Variants in ATF7IP observed in about 807,000 individuals in gnomAD.
ATF7IP encodes the protein activating transcription factor 7 interacting protein.
Under a neutral mutation model 106.4 loss-of-function variants are expected in ATF7IP, and 23 were observed. The ratio of observed to expected loss-of-function variants is 0.22; its 90% CI spans 0.16 to 0.31. The LOEUF (loss-of-function observed/expected upper bound fraction) is 0.31. ATF7IP is among the 10% of genes least tolerant of loss of function. The pLI is 1.00. For missense variants in ATF7IP, 1,334 were observed against 1,524.3 expected (o/e 0.88, Z 2.08); for synonymous variants, 542 against 539.0 (o/e 1.01, Z -0.08).
intron 9 of ATF7IP, among the ~76,000 whole-genome samples, chr12:14,464,122 T>G (rs1202463108): frequency 6.6e-6 from 1 of 152,012 alleles, no homozygotes; most frequent in Non-Finnish European, 1.5e-5. Flanking sequence ...CCACCAGCCT[T>G]GCAATATAGT....
chr12:14,445,855 T>A (rs1275967702), intron 5 of ATF7IP, among the ~76,000 whole-genome samples: 2 of 152,196 alleles, frequency 1.3e-5, no homozygotes, highest in African/African-American at 4.8e-5. Context: ...ACTCAGAAGT[T>A]TAATTTTCTT....
intron 1 of ATF7IP, among the ~76,000 whole-genome samples, chr12:14,380,551 T>A (rs1001760640): frequency 6.6e-6 from 1 of 152,238 alleles, no homozygotes; most frequent in African/African-American, 2.4e-5. Flanking sequence ...GGGAGATTCA[T>A]GAAGGGGACT....
chr12:14,371,576 G>A (rs1443380509), intron 1 of ATF7IP, among the ~76,000 whole-genome samples: 1 of 152,022 alleles, frequency 6.6e-6, no homozygotes, highest in African/African-American at 2.4e-5. Context: ...AAGAAATGAT[G>A]TCCAGCATCA....
intron 8 of ATF7IP, among the ~76,000 whole-genome samples, chr12:14,458,656 C>T (rs1943527442): frequency 6.6e-6 from 1 of 152,038 alleles, no homozygotes; most frequent in Non-Finnish European, 1.5e-5. Context: ...AACTCTCTCT[C>T]TACAAAAAAT....
At chr12:14,389,561 A>G (rs948408838) in intron 1 of ATF7IP, among the ~76,000 whole-genome samples, 3 of 152,224 alleles carry the variant, frequency 2.0e-5, no homozygotes, top group Admixed American at 6.5e-5. Context: ...TCAGAGCTAT[A>G]AACTGGCAGC....
In ATF7IP at chr12:14,500,414, G is replaced by A. The variant is rs575210104; in HGVS notation, c.*2341G>A. 6.6e-6 allele frequency: 1 copy of A among 152,296 alleles called. No homozygotes were observed. Among genetic ancestry groups the A allele is most frequent in the Non-Finnish European group, 1.5e-5 (1 of 68,014 alleles). The allele number at this position is 152,296 out of a possible 1,614,324, so 9.4% of individuals were successfully genotyped here. ...TAAATCAAATTTGCCAACCAATTAT[G>A]TAGATATTACTCATTCTAGGACTAA... is the stretch of plus-strand genomic sequence containing the variant. On this transcript the variant is annotated 3_prime_UTR_variant, in exon 15 of 15. Transcript: ENST00000261168.
At chr12:14,453,154 C>T (rs1943274456) in intron 6 of ATF7IP, among the ~76,000 whole-genome samples, 1 of 152,182 alleles carries the variant, frequency 6.6e-6, no homozygotes, top group East Asian at 1.9e-4. Flanking sequence ...GTGATTCAGA[C>T]AGCTTGGTTA....
In ATF7IP at chr12:14,424,179, GAAGGAAACACCCTGT is replaced by G. The variant is rs1175233135; in HGVS notation, c.266_280del (p.Lys89_Cys93del). 1 of 1,614,168 alleles carries G rather than the reference GAAGGAAACACCCTGT, an allele frequency of 6.2e-7. No homozygotes were observed. The highest frequency in any genetic ancestry group is 1.7e-5 in the Admixed American group (1 of 60,020). On this transcript the variant is annotated inframe_deletion, in exon 2 of 15. Coordinates refer to ENST00000261168, the MANE Select transcript of ATF7IP (RefSeq NM_018179.5). ...ATCCTGAAGGAAGTAAAGCAGAATG[GAAGGAAACACCCTGT>G]ATCCTAAGTGTTAATGTAAAAAACA...
rs138879120 is a variant in ATF7IP, at chr12:14,455,137, C to T, written c.1996-1424C>T. ...AGGCTAGAGTGAGCCAAGATGGTGC[C>T]GCAGGATGGTGCACTCCAGCCTGGG... On this transcript the variant is annotated intron_variant, in intron 6 of 14. Transcript: ENST00000261168. Among the ~76,000 whole-genome samples, 410 of 150,046 alleles carry T rather than the reference C, an allele frequency of 2.7e-3. 1 individual carries two copies. Among genetic ancestry groups the T allele is most frequent in the African/African-American group, 9.3e-3 (378 of 40,674 alleles).
At chr12:14,487,699 C>T (rs1944669615) in intron 13 of ATF7IP, among the ~76,000 whole-genome samples, 1 of 152,174 alleles carries the variant, frequency 6.6e-6, no homozygotes, top group South Asian at 2.1e-4. Flanking sequence ...TCTACAATTT[C>T]AGCTCTTTCT....
At position 14,497,810 on chromosome 12, in the gene ATF7IP, C is replaced by T. The variant is rs1446407264; in HGVS notation, c.3550C>T (p.Leu1184=). ...TGGCATAGTACTGTCATGGAGTGTCCTGGAGGTGGATCGAAGCTGTGCCAC... is the reference window on the plus strand; with the variant it reads ...TGGCATAGTACTGTCATGGAGTGTCTTGGAGGTGGATCGAAGCTGTGCCAC... ...QNGIVLSWSV[L]EVDRSCATVD... Residue 1184 remains leucine (L), a synonymous_variant, in exon 15 of 15, where the codon CTG becomes TTG. Transcript: ENST00000261168. 6.2e-7 allele frequency: 1 copy of T among 1,613,994 alleles called. No homozygotes were observed. The highest frequency in any genetic ancestry group is 8.5e-7 in the Non-Finnish European group (1 of 1,180,022).
In ATF7IP at chr12:14,478,613, C is replaced by T. The variant is rs961214963; in HGVS notation, c.3097+141C>T. On this transcript the variant is annotated intron_variant, in intron 12 of 14. Transcript: ENST00000261168. ...ACTACAGTGCATGTCCTTTTGAAGG[C>T]AGTATAACTTAGTTTTTCTGACTGT... 7.8e-6 allele frequency: 7 copies of T among 901,898 alleles called. No homozygotes were observed. The African/African-American group carries it at 1.2e-4, about 15-fold the overall frequency. 55.9% of individuals were successfully genotyped at this position (901,898 alleles called of 1,614,324 possible).
At chr12:14,478,246 T>C in intron 11 of ATF7IP, 71 bp from the exon 12 acceptor site, 1 of 1,463,192 alleles carries the variant, frequency 6.8e-7, no homozygotes, top group Non-Finnish European at 9.5e-7. Context: ...GTAAAATTTG[T>C]CCATAGAGGA....
chr12:14,498,602 T>G lies in ATF7IP; in HGVS notation c.*529T>G, dbSNP rs977585425. The G allele has an allele frequency of 6.5e-6, 1 of 152,804 alleles. No individual in the cohort carries two copies. The allele number at this position is 152,804 out of a possible 1,614,324, so 9.5% of individuals were successfully genotyped here. Reference sequence around the variant, plus strand: ...AATTCGAACACAGGAAAGGATCTATTTGTTGTTTCTTTTGTCTGGTCTCCT... The same window carrying G: ...AATTCGAACACAGGAAAGGATCTATGTGTTGTTTCTTTTGTCTGGTCTCCT... On this transcript the variant is annotated 3_prime_UTR_variant, in exon 15 of 15. Coordinates refer to ENST00000261168, the MANE Select transcript of ATF7IP (RefSeq NM_018179.5).
chr12:14,476,134 T>G, intron 11 of ATF7IP, 166 bp downstream of exon 11: 1 of 578,872 alleles, frequency 1.7e-6, no homozygotes, highest in Non-Finnish European at 3.0e-6. Context: ...TTTGGCCAGG[T>G]GCAGTGTCTC....
At chr12:14,440,989 G>A (rs1942667613) in intron 5 of ATF7IP, among the ~76,000 whole-genome samples, 1 of 152,200 alleles carries the variant, frequency 6.6e-6, no homozygotes, top group Admixed American at 6.5e-5. Context: ...CCATTGAATG[G>A]CATTTGGGTT....
At chr12:14,428,104 T>C (rs1336073842) in intron 2 of ATF7IP, among the ~76,000 whole-genome samples, 1 of 151,884 alleles carries the variant, frequency 6.6e-6, no homozygotes, top group Non-Finnish European at 1.5e-5. Context: ...AGTGTGGCAC[T>C]AGGCCAAGTC....
At chr12:14,476,737 T>C (rs1438790456) in intron 11 of ATF7IP, among the ~76,000 whole-genome samples, 4 of 152,164 alleles carry the variant, frequency 2.6e-5, no homozygotes. Context: ...TTCATTTAAT[T>C]TTGGTCATTT....
chr12:14,433,706 A>G (rs1480739594), intron 2 of ATF7IP, among the ~76,000 whole-genome samples: 1 of 152,090 alleles, frequency 6.6e-6, no homozygotes, highest in Non-Finnish European at 1.5e-5. Context: ...ACCCTTCTGA[A>G]TGTTTTCCTC....
Sources: gnomAD v4.1 joint callset for allele counts (sites outside exome capture counted in the v4.1 genomes callset) on GRCh38, gnomAD v4.1.1 for gene constraint, MANE v1.5 for transcripts, NCBI Gene and HGNC (gene_info 2026-07-23, HGNC 2026-07-21) for gene names.